CALB2: variants seen among roughly 807,000 people sequenced by gnomAD.
CALB2 encodes calbindin 2.
Under a neutral mutation model 45.9 loss-of-function variants are expected in CALB2, and 34 were observed. The ratio of observed to expected loss-of-function variants is 0.74; its 90% CI spans 0.56 to 0.99. The LOEUF (loss-of-function observed/expected upper bound fraction) is 0.99, where lower values mean the gene tolerates loss of function less well. CALB2 is among the 50% of genes least tolerant of loss of function. The probability of loss-of-function intolerance (pLI) is 0.00; values close to 1 mark genes in which losing one functional copy is unlikely to be tolerated. For synonymous variants in CALB2, 142 were observed against 129.6 expected, an observed-to-expected ratio of 1.10 and a Z score of -0.65; for missense variants, 344 against 339.3, an observed-to-expected ratio of 1.01 and a Z score of -0.11.
intron 1 of CALB2, among the ~76,000 whole-genome samples, chr16:71,364,370 G>A (rs2042261939): frequency 6.6e-6 from 1 of 152,248 alleles, no homozygotes. Flanking sequence ...CCAAGCCCCT[G>A]AGGGAGGTTT....
chr16:71,361,272 G>C (rs1481169670), intron 1 of CALB2, among the ~76,000 whole-genome samples: 1 of 152,186 alleles, frequency 6.6e-6, no homozygotes, highest in Non-Finnish European at 1.5e-5. Flanking sequence ...TACCAGAGAT[G>C]AGAGAGAGGT....
chr16:71,365,898 A>G (rs1307384464), intron 1 of CALB2, among the ~76,000 whole-genome samples: 1 of 151,774 alleles, frequency 6.6e-6, no homozygotes, highest in East Asian at 1.9e-4. Context: ...TAAATCAGAA[A>G]TTCTGGGGAT....
intron 5 of CALB2, 45 bp from the exon 6 acceptor site, chr16:71,383,322 C>G (rs370989254): frequency 9.1e-6 from 14 of 1,538,060 alleles, no homozygotes; most frequent in African/African-American, 2.7e-5. Context: ...AATGAGGGAC[C>G]GAATGCACGA....
At chr16:71,386,414 C>A (rs1486739037) in intron 10 of CALB2, among the ~76,000 whole-genome samples, 4 of 152,212 alleles carry the variant, frequency 2.6e-5, no homozygotes, top group African/African-American at 9.6e-5. Context: ...AAGGGCTATT[C>A]TGGATTGATG....
intron 1 of CALB2, among the ~76,000 whole-genome samples, chr16:71,369,594 T>C (rs2042324056): frequency 1.3e-5 from 2 of 152,124 alleles, no homozygotes; most frequent in African/African-American, 2.4e-5. Flanking sequence ...ATGAAACATA[T>C]ACTCGCTCCT....
intron 1 of CALB2, among the ~76,000 whole-genome samples, chr16:71,363,860 T>C (rs1389222979): frequency 2.0e-5 from 3 of 152,336 alleles, no homozygotes; most frequent in African/African-American, 7.2e-5. Flanking sequence ...GGTCCGACAC[T>C]GGGAACCAAG....
chr16:71,377,189 A>C (rs1196332827), intron 3 of CALB2, among the ~76,000 whole-genome samples: 1 of 152,224 alleles, frequency 6.6e-6, no homozygotes, highest in African/African-American at 2.4e-5. Flanking sequence ...CAATAACTGC[A>C]TCCATTTGAA....
intron 1 of CALB2, among the ~76,000 whole-genome samples, chr16:71,370,897 C>A (rs2042343112): frequency 6.6e-6 from 1 of 152,172 alleles, no homozygotes. Flanking sequence ...AGTAGACCAT[C>A]CAGGCTCAAG....
At chr16:71,378,383 T>TA (rs771371930) in intron 4 of CALB2, among the ~76,000 whole-genome samples, 207 of 138,078 alleles carry the variant, frequency 1.5e-3, no homozygotes, top group Middle Eastern at 7.3e-3. Context: ...AACAGGAATT[T>TA]AAAAAAAAAA....
chr16:71,378,902 A>T (rs1014116178), intron 4 of CALB2, among the ~76,000 whole-genome samples: 2 of 152,166 alleles, frequency 1.3e-5, no homozygotes, highest in African/African-American at 4.8e-5. Context: ...ATAGCTACAA[A>T]AGTCCAGTGA....
At position 71,389,922 on chromosome 16, in the gene CALB2, T is replaced by C; in HGVS notation, c.*57T>C. On this transcript the variant is annotated 3_prime_UTR_variant, in exon 11 of 11. Transcript: ENST00000302628. ...CCAAACCCTGCTTCTGCTGCCCTGA[T>C]GCGTCTACCCAGACTCAGAGACCGT... is the stretch of plus-strand genomic sequence containing the variant. The C allele has an allele frequency of 8.1e-7, 1 of 1,233,864 alleles. No individual in the cohort carries two copies. The highest frequency in any genetic ancestry group is 1.2e-6 in the Non-Finnish European group (1 of 841,442). The allele number at this position is 1,233,864 out of a possible 1,614,324, so 76.4% of individuals were successfully genotyped here. A position where few individuals can be genotyped will look rare whatever the true frequency, so the allele number is the denominator to read the frequency against.
chr16:71,388,983 G>A (rs1399457942), intron 10 of CALB2, among the ~76,000 whole-genome samples: 3 of 129,130 alleles, frequency 2.3e-5, no homozygotes, highest in African/African-American at 9.1e-5. Context: ...GGGCCACAGA[G>A]CAAGACTCCA....
chr16:71,366,024 CT>C (rs1171021532), intron 1 of CALB2, among the ~76,000 whole-genome samples: 498 of 45,074 alleles, frequency 0.011, 2 homozygotes, highest in Non-Finnish European at 0.016. Flanking sequence ...CTCTCTCTCT[CT>C]TTTTTTTTTT....
At chr16:71,365,303 T>C (rs975525117) in intron 1 of CALB2, among the ~76,000 whole-genome samples, 1 of 152,156 alleles carries the variant, frequency 6.6e-6, no homozygotes, top group Non-Finnish European at 1.5e-5. Context: ...CTTCCCTCCT[T>C]TGACCTCTCT....
Position 71,382,122 on chromosome 16 carries a change from A to G in CALB2, c.343-597A>G, listed in dbSNP as rs796376681. Among the ~76,000 whole-genome samples the G allele has an allele frequency of 5.8e-3, 458 of 79,248 alleles. 10 individuals carry two copies. Among genetic ancestry groups the G allele is most frequent in the African/African-American group, 0.016 (439 of 27,910 alleles). 52.0% of individuals were successfully genotyped at this position (79,248 alleles called of 152,430 possible). On this transcript the variant is annotated intron_variant, in intron 4 of 10. Coordinates refer to ENST00000302628, the MANE Select transcript of CALB2 (RefSeq NM_001740.5). ...GAAGGAAGGAAGGGAAGAAAGGAAG[A>G]AAAAGGAAGGAAGGAAAGAAGGAAG...
At chr16:71,388,777 T>C (rs980547390) in intron 10 of CALB2, among the ~76,000 whole-genome samples, 44 of 150,974 alleles carry the variant, frequency 2.9e-4, no homozygotes, top group African/African-American at 1.0e-3. Flanking sequence ...GGTCAGGAGT[T>C]CGAAACCAGC....
At chr16:71,381,344 C>A (rs1260953697) in intron 4 of CALB2, among the ~76,000 whole-genome samples, 1 of 151,614 alleles carries the variant, frequency 6.6e-6, no homozygotes. Context: ...TAATCAAATA[C>A]CATCGACCTA....
intron 1 of CALB2, among the ~76,000 whole-genome samples, chr16:71,371,616 G>A (rs2042351822): frequency 6.6e-6 from 1 of 152,038 alleles, no homozygotes; most frequent in Non-Finnish European, 1.5e-5. Flanking sequence ...TTCTTCCTGG[G>A]TCTCTGTGTC....
chr16:71,365,868 A>T (rs1481821526), intron 1 of CALB2, among the ~76,000 whole-genome samples: 3 of 151,368 alleles, frequency 2.0e-5, no homozygotes, highest in African/African-American at 7.3e-5. Context: ...CTTTGAAAAC[A>T]CCCCCTTCCC....
Sources: allele counts gnomAD v4.1 joint callset (sites outside exome capture counted in the v4.1 genomes callset), GRCh38; gene constraint gnomAD v4.1.1; transcripts MANE v1.5; gene names NCBI Gene and HGNC (gene_info 2026-07-23, HGNC 2026-07-21).